ULK4: variants seen among roughly 807,000 people sequenced by gnomAD.
The protein encoded by ULK4 is unc-51 like kinase 4.
ULK4 carries 133 observed loss-of-function variants against 160.6 expected under a neutral mutation model. That is an observed-to-expected ratio of 0.83 (90% CI 0.72 to 0.96). The LOEUF (loss-of-function observed/expected upper bound fraction) is 0.96. Ranked by LOEUF, ULK4 falls within the 40% of genes least tolerant of loss-of-function variation. ULK4 has a pLI of 0.00. For missense variants in ULK4, 1,580 were observed against 1,499.5 expected (o/e 1.05, Z -0.89); for synonymous variants, 534 against 539.8 (o/e 0.99, Z 0.15).
chr3:41,612,415 G>T (rs527878521), intron 31 of ULK4, among the ~76,000 whole-genome samples: 1 of 151,998 alleles, frequency 6.6e-6, no homozygotes, highest in Non-Finnish European at 1.5e-5. Context: ...ACCTACCTTC[G>T]TAACAGCTCC....
At chr3:41,849,397 G>A (rs949314372) in intron 17 of ULK4, among the ~76,000 whole-genome samples, 1 of 152,154 alleles carries the variant, frequency 6.6e-6, no homozygotes, top group African/African-American at 2.4e-5. Context: ...CACTAGAGAA[G>A]CAGCACATGA....
intron 27 of ULK4, among the ~76,000 whole-genome samples, chr3:41,704,768 T>C (rs900673231): frequency 2.6e-5 from 4 of 152,104 alleles, no homozygotes; most frequent in African/African-American, 9.7e-5. Context: ...TTGAGAAACC[T>C]TGCACTGAAG....
intron 8 of ULK4, among the ~76,000 whole-genome samples, chr3:41,913,829 G>A (rs1559646798): frequency 6.6e-6 from 1 of 151,958 alleles, no homozygotes; most frequent in Non-Finnish European, 1.5e-5. Context: ...TGGGTGTGGG[G>A]GCCCACACCT....
chr3:41,950,485 C>T (rs1052851688), intron 2 of ULK4, among the ~76,000 whole-genome samples: 1 of 152,020 alleles, frequency 6.6e-6, no homozygotes, highest in African/African-American at 2.4e-5. Context: ...TCAAGTGATC[C>T]GCCCACCTCA....
At chr3:41,381,055 C>T (rs955641679) in intron 35 of ULK4, among the ~76,000 whole-genome samples, 3 of 152,094 alleles carry the variant, frequency 2.0e-5, no homozygotes, top group African/African-American at 7.2e-5. Flanking sequence ...TCTTATGTCA[C>T]CAGAGAACAC....
chr3:41,593,274 A>T (rs534912216), intron 31 of ULK4, among the ~76,000 whole-genome samples: 1 of 152,332 alleles, frequency 6.6e-6, no homozygotes, highest in Admixed American at 6.5e-5. Context: ...TCACTGAAAG[A>T]CTTTCAAAGA....
chr3:41,640,787 C>T (rs1961364), intron 30 of ULK4, among the ~76,000 whole-genome samples: 38,056 of 151,924 alleles, frequency 0.25, 4,911 homozygotes, highest in Admixed American at 0.28. Flanking sequence ...AATAATCCAA[C>T]GATATATACA....
intron 35 of ULK4, among the ~76,000 whole-genome samples, chr3:41,328,396 G>A (rs2080376179): frequency 6.6e-6 from 1 of 152,012 alleles, no homozygotes; most frequent in Admixed American, 6.5e-5. Context: ...TTTTCAGAGG[G>A]ATGCAAAAAA....
At chr3:41,380,639 G>A (rs919617376) in intron 35 of ULK4, among the ~76,000 whole-genome samples, 2 of 152,102 alleles carry the variant, frequency 1.3e-5, no homozygotes, top group Admixed American at 1.3e-4. Context: ...GGACAGTCAA[G>A]GCCAATCTCA....
intron 17 of ULK4, among the ~76,000 whole-genome samples, chr3:41,879,614 A>G (rs1697434247): frequency 6.6e-6 from 1 of 152,064 alleles, no homozygotes; most frequent in African/African-American, 2.4e-5. Flanking sequence ...CCTCCTGAGT[A>G]GCTGGGACCA....
chr3:41,940,375 C>T (rs76191830), intron 2 of ULK4, among the ~76,000 whole-genome samples: 2,259 of 152,266 alleles, frequency 0.015, 50 homozygotes, highest in African/African-American at 0.051. Context: ...CCTGGCAATA[C>T]GTGTCACCTC....
At chr3:41,924,221 G>A (rs1699297139) in intron 5 of ULK4, among the ~76,000 whole-genome samples, 1 of 152,150 alleles carries the variant, frequency 6.6e-6, no homozygotes, top group Admixed American at 6.5e-5. Context: ...ATGTCAAAAG[G>A]TAGGGTGATT....
rs1457322711 is a variant in ULK4 at position 41,915,968 on chromosome 3, T to C, written c.803+9A>G. 5.7e-6 allele frequency: 9 copies of C among 1,572,016 alleles called. No individual in the cohort carries two copies. In the Admixed American group the frequency reaches 1.8e-4, roughly 32 times the overall value. On this transcript the variant is annotated intron_variant, in intron 8 of 36. Coordinates refer to ENST00000301831, the MANE Select transcript of ULK4 (RefSeq NM_017886.4). Reference sequence around the variant, plus strand: ...GAAAAAGAAAAAAAGATCGAACTACTGTCCCTACCTTTTCTGAGGATCTCT... The same window carrying C: ...GAAAAAGAAAAAAAGATCGAACTACCGTCCCTACCTTTTCTGAGGATCTCT...
intron 19 of ULK4, among the ~76,000 whole-genome samples, chr3:41,809,093 G>T (rs1321074158): frequency 1.3e-5 from 2 of 151,226 alleles, no homozygotes; most frequent in Non-Finnish European, 2.9e-5. Flanking sequence ...TTGAACCCAG[G>T]AGGCTGAGGT....
chr3:41,269,983 G>A (rs1267188714), intron 35 of ULK4, among the ~76,000 whole-genome samples: 1 of 152,084 alleles, frequency 6.6e-6, no homozygotes, highest in Non-Finnish European at 1.5e-5. Context: ...AAATTATAAA[G>A]TAGACTGTTT....
At chr3:41,610,020 A>ATT (rs1260937073) in intron 31 of ULK4, among the ~76,000 whole-genome samples, 1 of 142,018 alleles carries the variant, frequency 7.0e-6, no homozygotes. Context: ...AAATAATTTT[A>ATT]TTTTTTTTTT....
At chr3:41,920,004 G>A (rs529786092) in intron 5 of ULK4, among the ~76,000 whole-genome samples, 186 bp from the exon 6 acceptor site, 1 of 152,324 alleles carries the variant, frequency 6.6e-6, no homozygotes, top group East Asian at 1.9e-4. Flanking sequence ...CAAAGGATGT[G>A]TGTGAATATA....
At chr3:41,336,515 A>G (rs1403998746) in intron 35 of ULK4, among the ~76,000 whole-genome samples, 2 of 152,220 alleles carry the variant, frequency 1.3e-5, no homozygotes, top group African/African-American at 4.8e-5. Flanking sequence ...CTCTAAGGGA[A>G]GAGTCAACAC....
chr3:41,353,738 CT>C (rs1559540487), intron 35 of ULK4, among the ~76,000 whole-genome samples: 2 of 147,642 alleles, frequency 1.4e-5, no homozygotes, highest in African/African-American at 4.9e-5. Context: ...ACTACTACTA[CT>C]ACTACTACTA....
Sources: allele counts gnomAD v4.1 joint callset (sites outside exome capture counted in the v4.1 genomes callset), GRCh38; gene constraint gnomAD v4.1.1; transcripts MANE v1.5; gene names NCBI Gene and HGNC (gene_info 2026-07-23, HGNC 2026-07-21).